SORCS3: variants seen among roughly 807,000 people sequenced by gnomAD.
The protein encoded by SORCS3 is sortilin related VPS10 domain containing receptor 3.
Under a neutral mutation model 146.3 loss-of-function variants are expected in SORCS3, and 57 were observed. The ratio of observed to expected loss-of-function variants is 0.39; its 90% confidence interval spans 0.31 to 0.49. The LOEUF (loss-of-function observed/expected upper bound fraction) is 0.49, where lower values mean the gene tolerates loss of function less well. SORCS3 is among the 20% of genes least tolerant of loss of function. The pLI is 0.92. For missense variants in SORCS3, 1,341 were observed against 1,575.5 expected, an observed-to-expected ratio of 0.85 and a Z score of 2.52; for synonymous variants, 653 against 618.5, an observed-to-expected ratio of 1.06 and a Z score of -0.83.
chr10:105,204,857 A>G (rs2056593215), intron 16 of SORCS3, among the ~76,000 whole-genome samples: 1 of 152,190 alleles, frequency 6.6e-6, no homozygotes, highest in Non-Finnish European at 1.5e-5. Flanking sequence ...TTTTAAGTTA[A>G]CTTCAATAAG....
At chr10:104,966,419 T>G (rs560755382) in intron 3 of SORCS3, among the ~76,000 whole-genome samples, 1 of 152,202 alleles carries the variant, frequency 6.6e-6, no homozygotes, top group Non-Finnish European at 1.5e-5. Context: ...GATGTTATTG[T>G]TATTTCTTAT....
At position 104,641,401 on chromosome 10, in the gene SORCS3, T is replaced by G. The variant is rs752962718; in HGVS notation, c.74T>G (p.Leu25Trp). The G allele has an allele frequency of 6.8e-7, 1 of 1,460,730 alleles. No homozygotes were observed. Among genetic ancestry groups the G allele is most frequent in the South Asian group, 1.3e-5 (1 of 76,246 alleles). 90.5% of individuals were successfully genotyped at this position (1,460,730 alleles called of 1,614,324 possible). The change falls in exon 1 of 27, where the codon TTG (leucine) becomes TGG (tryptophan). Residue 25 changes from leucine (L) to tryptophan (W), a missense_variant. Coordinates refer to ENST00000369701, the MANE Select transcript of SORCS3 (RefSeq NM_014978.3). This position sits in a 1 kb window ranked among gnomAD's most constrained non-coding sequence, Gnocchi z 6.4. Reference sequence around the variant, plus strand: ...CTTGTCCGGACGGGGCTCCTACTCTTGTCGACGTGGGTCCTGGCCGGCGCC... The same window carrying G: ...CTTGTCCGGACGGGGCTCCTACTCTGGTCGACGTGGGTCCTGGCCGGCGCC... The part of the protein sequence containing the change: ...APLVRTGLLL[L>W]STWVLAGAEI...
intron 2 of SORCS3, among the ~76,000 whole-genome samples, chr10:104,915,060 C>G (rs1371896356): frequency 6.6e-6 from 1 of 151,964 alleles, no homozygotes; most frequent in Non-Finnish European, 1.5e-5. Context: ...TACTTGAATC[C>G]CACTGTTTGG....
intron 3 of SORCS3, among the ~76,000 whole-genome samples, chr10:104,963,733 A>G (rs2054810808): frequency 6.6e-6 from 1 of 152,092 alleles, no homozygotes; most frequent in Non-Finnish European, 1.5e-5. Context: ...AAGCATTTCA[A>G]AACCAAATTC....
chr10:104,659,813 A>G (rs2015677796), intron 1 of SORCS3, among the ~76,000 whole-genome samples: 1 of 152,230 alleles, frequency 6.6e-6, no homozygotes, highest in Non-Finnish European at 1.5e-5. Flanking sequence ...CCTGGAGATT[A>G]GCTTGATCTC....
intron 7 of SORCS3, among the ~76,000 whole-genome samples, chr10:105,133,274 G>A (rs1478793627): frequency 6.6e-6 from 1 of 152,190 alleles, no homozygotes; most frequent in Non-Finnish European, 1.5e-5. Context: ...AGTATCCAAT[G>A]GAGGAATCCA....
intron 1 of SORCS3, among the ~76,000 whole-genome samples, chr10:104,692,208 T>C (rs2016121974): frequency 1.3e-5 from 2 of 152,004 alleles, no homozygotes; most frequent in Non-Finnish European, 2.9e-5. Context: ...GGAGTGGGGA[T>C]GCAGAGTGTG....
intron 2 of SORCS3, among the ~76,000 whole-genome samples, chr10:104,875,340 A>G (rs2018560289): frequency 1.3e-5 from 2 of 152,204 alleles, no homozygotes; most frequent in African/African-American, 4.8e-5. Flanking sequence ...TTATATGAGC[A>G]GTCTCTCTTG....
In SORCS3 at chr10:104,750,803, C is replaced by A. The variant is rs150109463; in HGVS notation, c.628-91989C>A. 7.9e-4 allele frequency among the ~76,000 whole-genome samples: 121 copies of A among 152,244 alleles called. 1 individual carries two copies. The highest frequency in any genetic ancestry group is 6.8e-3 in the Middle Eastern group (2 of 294). ...GTAGCATGAGTAAAATATTAAATAG[C>A]TTGGGAACCAGTAAGCTCAAGGTTC... On this transcript the variant is annotated intron_variant, in intron 1 of 26. Transcript: ENST00000369701.
intron 2 of SORCS3, among the ~76,000 whole-genome samples, chr10:104,863,812 T>C (rs1026145509): frequency 5.3e-5 from 8 of 152,144 alleles, no homozygotes; most frequent in Non-Finnish European, 8.8e-5. Flanking sequence ...AGCTAGATGG[T>C]ATAGGATGGA....
chr10:105,100,942 A>C (rs929037718), intron 6 of SORCS3, among the ~76,000 whole-genome samples: 9 of 152,232 alleles, frequency 5.9e-5, no homozygotes, highest in African/African-American at 2.2e-4. Flanking sequence ...CACCGCTGAA[A>C]AGCCATGCTG....
chr10:105,226,346 A>G (rs765384326), intron 20 of SORCS3, among the ~76,000 whole-genome samples: 36 of 152,024 alleles, frequency 2.4e-4, no homozygotes, highest in South Asian at 2.1e-4. Flanking sequence ...TATTGATGCA[A>G]TGTACCACAT....
At chr10:105,180,299 A>G (rs906384816) in intron 14 of SORCS3, among the ~76,000 whole-genome samples, 3 of 152,236 alleles carry the variant, frequency 2.0e-5, no homozygotes, top group Non-Finnish European at 4.4e-5. Context: ...TCACAAGTGG[A>G]AAACCATATA....
Position 104,645,826 on chromosome 10 carries a change from T to C in SORCS3, c.627+3872T>C, listed in dbSNP as rs115521588. On this transcript the variant is annotated intron_variant, in intron 1 of 26. Transcript: ENST00000369701. ...CAAAATAGTGACAGATTTGATCAGA[T>C]TAATTGTATTTCACTCACTGGATCA... 9.8e-4 allele frequency among the ~76,000 whole-genome samples: 149 copies of C among 152,326 alleles called. 1 individual carries two copies. Among genetic ancestry groups the C allele is most frequent in the African/African-American group, 3.3e-3 (136 of 41,574 alleles).
At chr10:105,007,502 C>T (rs1178418787) in intron 4 of SORCS3, among the ~76,000 whole-genome samples, 3 of 152,066 alleles carry the variant, frequency 2.0e-5, no homozygotes, top group African/African-American at 7.2e-5. Flanking sequence ...AAACAGAATC[C>T]TAGAAAGCAG....
At chr10:105,222,690 T>C (rs1271173669) in intron 19 of SORCS3, among the ~76,000 whole-genome samples, 2 of 152,152 alleles carry the variant, frequency 1.3e-5, no homozygotes, top group Admixed American at 1.3e-4. Flanking sequence ...TTGAAGGAGA[T>C]GGAAACCCAT....
chr10:104,757,509 G>A (rs900327292), intron 1 of SORCS3, among the ~76,000 whole-genome samples: 6 of 152,128 alleles, frequency 3.9e-5, no homozygotes, highest in South Asian at 2.1e-4. Context: ...CTGCTTTTGC[G>A]TTTCGAGGTG....
intron 3 of SORCS3, among the ~76,000 whole-genome samples, chr10:104,969,907 C>G (rs1046005196): frequency 1.3e-5 from 2 of 152,158 alleles, no homozygotes; most frequent in African/African-American, 4.8e-5. Flanking sequence ...ATACATTGCA[C>G]AAGATATTCA....
At chr10:104,725,402 C>A (rs2133448902) in intron 1 of SORCS3, among the ~76,000 whole-genome samples, 1 of 152,274 alleles carries the variant, frequency 6.6e-6, no homozygotes, top group East Asian at 1.9e-4. Flanking sequence ...GGTTGCCTCC[C>A]AGTTAGGCTA....
Sources: gnomAD v4.1 joint callset for allele counts (sites outside exome capture counted in the v4.1 genomes callset) on GRCh38, gnomAD v4.1.1 for gene constraint, Gnocchi (gnomAD v3.1) non-coding constraint, MANE v1.5 for transcripts, NCBI Gene and HGNC (gene_info 2026-07-23, HGNC 2026-07-21) for gene names.